PTPRD: variants seen among roughly 807,000 people sequenced by gnomAD.
The protein encoded by PTPRD is receptor-type tyrosine-protein phosphatase delta.
Under a neutral mutation model 214.5 loss-of-function variants are expected in PTPRD, and 34 were observed. The ratio of observed to expected loss-of-function variants is 0.16; its 90% confidence interval spans 0.12 to 0.21. PTPRD has a LOEUF of 0.21. Among genes scored for constraint, PTPRD ranks in the 10% least tolerant of loss-of-function variants. The pLI is 1.00. For missense variants in PTPRD, 2,545 were observed against 2,398.7 expected, an observed-to-expected ratio of 1.06 and a Z score of -1.27; for synonymous variants, 1,128 against 845.7, an observed-to-expected ratio of 1.33 and a Z score of -5.79.
At chr9:9,870,410 T>C (rs1384863436) in intron 5 of PTPRD, among the ~76,000 whole-genome samples, 2 of 151,992 alleles carry the variant, frequency 1.3e-5, no homozygotes, top group African/African-American at 4.8e-5. Context: ...ACTTTGTTAC[T>C]TGCATATAGA....
At position 8,365,416 on chromosome 9, in the gene PTPRD, T is replaced by C. The variant is rs144913289; in HGVS notation, c.4661+10520A>G. 1.2e-4 allele frequency among the ~76,000 whole-genome samples: 19 copies of C among 152,292 alleles called. No homozygotes were observed. The East Asian group carries it at 3.5e-3, about 28-fold the overall frequency. The stretch of plus-strand genomic sequence containing the variant: ...CAGGTAGCAGTTATGAAATGCATTT[T>C]TGAGAATGGACTTTTTTCCTACTTT... On this transcript the variant is annotated intron_variant, in intron 39 of 45. Transcript: ENST00000381196.
chr9:10,525,785 A>C lies in PTPRD; in HGVS notation c.-600+86613T>G, dbSNP rs965714733. Among the ~76,000 whole-genome samples the C allele has an allele frequency of 2.7e-5, 4 of 147,202 alleles. No homozygotes were observed. In the South Asian group the frequency reaches 6.3e-4, roughly 23 times the overall value. The stretch of plus-strand genomic sequence containing the variant: ...TTTCCCTGAAAAACTGATACATTGA[A>C]GAATCCATCTGCCATTGAGTCATCA... On this transcript the variant is annotated intron_variant, in intron 2 of 45. Coordinates refer to ENST00000381196, the MANE Select transcript of PTPRD (RefSeq NM_002839.4).
At chr9:9,246,729 T>C (rs955036808) in intron 9 of PTPRD, among the ~76,000 whole-genome samples, 8 of 152,060 alleles carry the variant, frequency 5.3e-5, no homozygotes, top group Non-Finnish European at 1.0e-4. Flanking sequence ...ACAGTTTAAC[T>C]GGACTGGCCT....
chr9:9,107,865 C>G (rs1176934500), intron 10 of PTPRD, among the ~76,000 whole-genome samples: 1 of 152,088 alleles, frequency 6.6e-6, no homozygotes, highest in South Asian at 2.1e-4. Flanking sequence ...AACTTACATG[C>G]CTTTATTTGT....
chr9:8,833,640 A>C (rs377172630), intron 11 of PTPRD, among the ~76,000 whole-genome samples: 4 of 151,110 alleles, frequency 2.6e-5, no homozygotes. Context: ...TGCAATCTTA[A>C]TAACAGGCAC....
At chr9:8,491,335 C>T (rs915816449) in intron 27 of PTPRD, among the ~76,000 whole-genome samples, 5 of 152,276 alleles carry the variant, frequency 3.3e-5, no homozygotes, top group Middle Eastern at 3.4e-3. Flanking sequence ...GCCTTAGTGA[C>T]GTTAAAATAG....
intron 9 of PTPRD, among the ~76,000 whole-genome samples, chr9:9,327,853 T>G (rs993875273): frequency 6.6e-6 from 1 of 151,238 alleles, no homozygotes; most frequent in African/African-American, 2.4e-5. Context: ...GGAAGAAGAA[T>G]TGTTTTGGGC....
At chr9:9,808,545 T>A (rs1404814846) in intron 5 of PTPRD, among the ~76,000 whole-genome samples, 1 of 152,168 alleles carries the variant, frequency 6.6e-6, no homozygotes, top group East Asian at 1.9e-4. Context: ...AGAGACTGCC[T>A]GGGAGACTTT....
At chr9:10,198,283 C>G (rs1193746164) in intron 3 of PTPRD, among the ~76,000 whole-genome samples, 1 of 152,038 alleles carries the variant, frequency 6.6e-6, no homozygotes, top group Non-Finnish European at 1.5e-5. Flanking sequence ...AGAATAGGTA[C>G]AGTATGATAA....
chr9:9,443,479 C>T (rs2089109140), intron 8 of PTPRD, among the ~76,000 whole-genome samples: 1 of 152,274 alleles, frequency 6.6e-6, no homozygotes, highest in Middle Eastern at 3.4e-3. Flanking sequence ...ATGGTTTAGG[C>T]CAACAGAATG....
At chr9:9,595,550 TTGTGTGTG>T (rs58995675) in intron 7 of PTPRD, among the ~76,000 whole-genome samples, 17,239 of 147,332 alleles carry the variant, frequency 0.12, 1,311 homozygotes, top group South Asian at 0.19. Context: ...GTATGTGTGT[TTGTGTGTG>T]TGTGTGTGTG....
At chr9:9,266,157 T>C (rs1272344974) in intron 9 of PTPRD, among the ~76,000 whole-genome samples, 3 of 151,410 alleles carry the variant, frequency 2.0e-5, no homozygotes, top group Non-Finnish European at 4.4e-5. Flanking sequence ...CATTTTATAA[T>C]GATAAAAGGG....
chr9:9,080,105 G>C (rs2099756925), intron 10 of PTPRD, among the ~76,000 whole-genome samples: 2 of 151,894 alleles, frequency 1.3e-5, no homozygotes, highest in Non-Finnish European at 1.5e-5. Flanking sequence ...TGTCTATTGA[G>C]CATCTATCAC....
At chr9:9,846,380 G>A (rs1420649413) in intron 5 of PTPRD, among the ~76,000 whole-genome samples, 1 of 152,038 alleles carries the variant, frequency 6.6e-6, no homozygotes, top group Non-Finnish European at 1.5e-5. Context: ...TGACAAGTAA[G>A]CAACTTTCAT....
chr9:8,552,743 G>A (rs1295859627), intron 14 of PTPRD, among the ~76,000 whole-genome samples: 1 of 152,166 alleles, frequency 6.6e-6, no homozygotes, highest in Non-Finnish European at 1.5e-5. Context: ...TTTGCCCTCT[G>A]TGGTGGATTG....
chr9:9,091,098 G>C, intron 10 of PTPRD: 6 of 1,398,374 alleles, frequency 4.3e-6, no homozygotes, highest in South Asian at 2.3e-5. Context: ...TTCCCAAGCT[G>C]TATGTGAAGC....
At chr9:9,308,165 T>C (rs1569567244) in intron 9 of PTPRD, among the ~76,000 whole-genome samples, 1 of 152,198 alleles carries the variant, frequency 6.6e-6, no homozygotes, top group East Asian at 1.9e-4. Context: ...TGTTAGGCTC[T>C]TTTTAATGCG....
chr9:8,879,960 C>T (rs538046061), intron 11 of PTPRD, among the ~76,000 whole-genome samples: 2 of 152,252 alleles, frequency 1.3e-5, no homozygotes, highest in Admixed American at 6.5e-5. Context: ...GAGCCTTTTT[C>T]GTCTCCCTCC....
intron 2 of PTPRD, among the ~76,000 whole-genome samples, chr9:10,388,641 C>A (rs1028338184): frequency 1.2e-4 from 18 of 151,764 alleles, no homozygotes; most frequent in Non-Finnish European, 2.9e-5. Context: ...AAAAGGAAGG[C>A]AGAGGCTTTG....
Sources: allele counts gnomAD v4.1 joint callset (sites outside exome capture counted in the v4.1 genomes callset), GRCh38; gene constraint gnomAD v4.1.1; transcripts MANE v1.5; gene names NCBI Gene and HGNC (gene_info 2026-07-23, HGNC 2026-07-21).